GBE1: variants seen among roughly 807,000 people sequenced by gnomAD.
The protein encoded by GBE1 is 1,4-alpha-glucan branching enzyme 1.
A neutral mutation model predicts 88.8 loss-of-function variants in GBE1; 70 were observed. The ratio of observed to expected loss-of-function variants is 0.79; its 90% CI spans 0.65 to 0.96. The LOEUF (loss-of-function observed/expected upper bound fraction) is 0.96, where lower values mean the gene tolerates loss of function less well. Ranked by LOEUF, GBE1 falls within the 40% of genes least tolerant of loss-of-function variation. GBE1 has a pLI of 0.00. For synonymous variants in GBE1, 284 were observed against 300.1 expected (o/e 0.95, Z 0.56); for missense variants, 872 against 871.0 (o/e 1.00, Z -0.01).
At chr3:81,613,118 G>A (rs1246245872) in intron 7 of GBE1, 4 of 461,728 alleles carry the variant, frequency 8.7e-6, no homozygotes, top group Non-Finnish European at 1.1e-5. Context: ...TTTTTAAAAT[G>A]TTCTCCAGTC....
At chr3:81,571,904 T>TA (rs900576239) in intron 12 of GBE1, among the ~76,000 whole-genome samples, 22 of 152,172 alleles carry the variant, frequency 1.4e-4, no homozygotes, top group African/African-American at 4.8e-4. Context: ...AGGTTATTTT[T>TA]AAAAAAATTC....
At chr3:81,593,019 T>A (rs1703901238) in intron 8 of GBE1, among the ~76,000 whole-genome samples, 1 of 149,334 alleles carries the variant, frequency 6.7e-6, no homozygotes, top group East Asian at 2.0e-4. Context: ...ACCCCCTTTG[T>A]TTTTTTCTTT....
chr3:81,575,558 T>C (rs1012117253), intron 12 of GBE1, among the ~76,000 whole-genome samples: 1 of 152,164 alleles, frequency 6.6e-6, no homozygotes, highest in Non-Finnish European at 1.5e-5. Context: ...TACAAATGTA[T>C]AGTTGTTTTA....
chr3:81,525,716 T>A (rs1576132302), intron 14 of GBE1, among the ~76,000 whole-genome samples: 1 of 152,166 alleles, frequency 6.6e-6, no homozygotes, highest in East Asian at 1.9e-4. Flanking sequence ...CAGAGCCTGT[T>A]ATTGGTCTAT....
At chr3:81,721,322 C>G (rs1344678333) in intron 1 of GBE1, among the ~76,000 whole-genome samples, 1 of 145,900 alleles carries the variant, frequency 6.9e-6, no homozygotes, top group Non-Finnish European at 1.5e-5. Flanking sequence ...TAATGTCATA[C>G]TGATACTTAA....
intron 1 of GBE1, among the ~76,000 whole-genome samples, chr3:81,753,713 G>C (rs1273480886): frequency 1.3e-5 from 2 of 152,184 alleles, no homozygotes; most frequent in Non-Finnish European, 2.9e-5. Flanking sequence ...CATCACTGTA[G>C]AGAATTCAGG....
chr3:81,685,051 A>G (rs1576199016), intron 2 of GBE1, among the ~76,000 whole-genome samples: 1 of 152,252 alleles, frequency 6.6e-6, no homozygotes, highest in South Asian at 2.1e-4. Flanking sequence ...CAAAAGTATC[A>G]TAAAAGAGAA....
chr3:81,678,530 A>C (rs1423943539), intron 2 of GBE1, among the ~76,000 whole-genome samples: 1 of 152,206 alleles, frequency 6.6e-6, no homozygotes, highest in African/African-American at 2.4e-5. Flanking sequence ...CATTGCTTGT[A>C]ATTTTAACAA....
At chr3:81,708,292 T>C (rs981573400) in intron 1 of GBE1, among the ~76,000 whole-genome samples, 11 of 151,984 alleles carry the variant, frequency 7.2e-5, no homozygotes, top group African/African-American at 2.7e-4. Context: ...TCTATAAGTT[T>C]GTCATAAAAA....
chr3:81,568,050 T>C (rs759647110), intron 12 of GBE1, among the ~76,000 whole-genome samples: 31 of 152,230 alleles, frequency 2.0e-4, no homozygotes, highest in Non-Finnish European at 4.0e-4. Context: ...CCCTGGGCTT[T>C]TGAACATTCT....
chr3:81,538,359 T>G (rs940015841), intron 12 of GBE1, among the ~76,000 whole-genome samples: 6 of 150,762 alleles, frequency 4.0e-5, no homozygotes, highest in African/African-American at 1.5e-4. Flanking sequence ...CAGGACCACA[T>G]TCATCCAAAT....
chr3:81,619,429 G>T (rs1704295704), intron 7 of GBE1, among the ~76,000 whole-genome samples: 1 of 151,818 alleles, frequency 6.6e-6, no homozygotes, highest in South Asian at 2.1e-4. Context: ...ATATATTAAG[G>T]GTACAACTAT....
chr3:81,625,908 G>A (rs1373210493), intron 7 of GBE1, among the ~76,000 whole-genome samples: 1 of 152,206 alleles, frequency 6.6e-6, no homozygotes, highest in Non-Finnish European at 1.5e-5. Flanking sequence ...ATGGGCTGAT[G>A]AGGAAAAGGT....
At chr3:81,664,174 T>C (rs1470869128) in intron 3 of GBE1, among the ~76,000 whole-genome samples, 1 of 152,182 alleles carries the variant, frequency 6.6e-6, no homozygotes, top group African/African-American at 2.4e-5. Context: ...GGTCAATCTG[T>C]ATTTCAACTA....
chr3:81,752,877 G>A (rs1227833760), intron 1 of GBE1, among the ~76,000 whole-genome samples: 1 of 152,118 alleles, frequency 6.6e-6, no homozygotes, highest in African/African-American at 2.4e-5. Context: ...GAAGCAAACA[G>A]TAAAATCTTC....
rs73853473 is a variant in GBE1, at chr3:81,716,655, C to T, written c.144-11042G>A. Reference sequence around the variant, plus strand: ...ATTCAGAATAATGGAAATACTATCACGTTTAATGACACAACTTAAAGAACC... The same window carrying T: ...ATTCAGAATAATGGAAATACTATCATGTTTAATGACACAACTTAAAGAACC... On this transcript the variant is annotated intron_variant, in intron 1 of 15. Coordinates refer to ENST00000429644, the MANE Select transcript of GBE1 (RefSeq NM_000158.4). Among the ~76,000 whole-genome samples, 769 of 152,186 alleles carry T rather than the reference C, an allele frequency of 5.1e-3. 2 individuals carry two copies. The highest frequency in any genetic ancestry group is 0.018 in the African/African-American group (736 of 41,546).
At chr3:81,561,251 A>T (rs1703412521) in intron 12 of GBE1, among the ~76,000 whole-genome samples, 1 of 152,068 alleles carries the variant, frequency 6.6e-6, no homozygotes, top group South Asian at 2.1e-4. Context: ...ATAATGCAGA[A>T]GTTGATTCAA....
intron 14 of GBE1, among the ~76,000 whole-genome samples, chr3:81,507,480 C>T (rs372864759): frequency 3.5e-4 from 53 of 152,084 alleles, no homozygotes; most frequent in South Asian, 1.7e-3. Flanking sequence ...AGGAGAATGG[C>T]GTGAACCTGG....
chr3:81,554,299 T>C (rs1703317935), intron 12 of GBE1, among the ~76,000 whole-genome samples: 2 of 152,224 alleles, frequency 1.3e-5, no homozygotes, highest in East Asian at 3.8e-4. Flanking sequence ...AATGTATAAA[T>C]GTTTTGCATG....
Sources: allele counts gnomAD v4.1 joint callset (sites outside exome capture counted in the v4.1 genomes callset), GRCh38; gene constraint gnomAD v4.1.1; transcripts MANE v1.5; gene names NCBI Gene and HGNC (gene_info 2026-07-23, HGNC 2026-07-21).